The following RPS12 variants were observed in gnomAD, a reference collection of about 807,000 sequenced individuals.
RPS12 encodes the protein small ribosomal subunit protein eS12.
In RPS12, 1 loss-of-function variant was observed where a neutral mutation model predicts 17.2. That is an observed-to-expected ratio of 0.06 (90% CI 0.02 to 0.28). The LOEUF (loss-of-function observed/expected upper bound fraction) is 0.28, where lower values mean the gene tolerates loss of function less well. Among genes scored for constraint, RPS12 ranks in the 10% least tolerant of loss-of-function variants. RPS12 has a pLI of 1.00. For synonymous variants in RPS12, 67 were observed against 54.0 expected (o/e 1.24, Z -1.06); for missense variants, 146 against 162.1 (o/e 0.90, Z 0.54).
intron 5 of RPS12, 61 bp from the exon 6 acceptor site, chr6:132,817,418 AT>A: frequency 9.4e-7 from 1 of 1,067,628 alleles, no homozygotes; most frequent in South Asian, 1.3e-5. Flanking sequence ...ATTGATACTA[AT>A]AGCTTGGTGA....
intron 3 of RPS12, chr6:132,815,838 TC>T (rs1442640690): frequency 1.6e-4 from 71 of 431,812 alleles, no homozygotes; most frequent in African/African-American, 1.3e-3. Flanking sequence ...CTTTTTTTTT[TC>T]TTTTTTCTTT....
chr6:132,816,316 A>G (rs948129079), intron 3 of RPS12, 145 bp from the exon 4 acceptor site: 5 of 629,876 alleles, frequency 7.9e-6, no homozygotes, highest in African/African-American at 1.8e-5. Context: ...TTCAGACTCA[A>G]GCAATTTTGT....
chr6:132,815,693 G>A (rs769809709), intron 3 of RPS12: 3 of 456,624 alleles, frequency 6.6e-6, no homozygotes, highest in South Asian at 4.6e-5. Flanking sequence ...TCGTTTTGGT[G>A]TAATCTAGCC....
At chr6:132,814,808 T>C (rs757345582) in intron 2 of RPS12, 26 bp downstream of exon 2, 73 of 1,607,270 alleles carry the variant, frequency 4.5e-5, no homozygotes, top group Non-Finnish European at 5.9e-5. Context: ...GGGGTTGGAG[T>C]TGGGGTCGGG....
chr6:132,815,811 TC>T (rs1220156211), intron 3 of RPS12: 3 of 455,034 alleles, frequency 6.6e-6, no homozygotes, highest in Admixed American at 2.4e-5. Flanking sequence ...TCATAACTGT[TC>T]CATTAATGCC....
At chr6:132,816,611 T>C (rs777248141) in intron 4 of RPS12, 48 bp downstream of exon 4, 1 of 1,220,180 alleles carries the variant, frequency 8.2e-7, no homozygotes, top group African/African-American at 1.5e-5. Flanking sequence ...GTGATGCTTG[T>C]ATATGGGGGT....
At position 132,814,615 on chromosome 6, in the gene RPS12, T is replaced by G. The variant is rs1582885771; in HGVS notation, c.-38+2T>G. 2.1e-6 allele frequency: 2 copies of G among 930,772 alleles called. No homozygotes were observed. The highest frequency in any genetic ancestry group is 3.5e-6 in the Non-Finnish European group (2 of 575,408). 57.7% of individuals were successfully genotyped at this position (930,772 alleles called of 1,614,324 possible). ...GTCGCGCGGAGGCGGAGGCTTGGGG[T>G]AAGTTGAGCGAGGCGGCAGGGGGGT... On this transcript the variant is annotated splice_donor_variant, in intron 1 of 5. Transcript: ENST00000230050. LOFTEE classifies it low-confidence loss of function (5UTR_SPLICE).
At chr6:132,815,297 A>G (rs372727411) in intron 3 of RPS12, 14 of 734,442 alleles carry the variant, frequency 1.9e-5, no homozygotes, top group African/African-American at 1.7e-4. Context: ...TAAGCACTCA[A>G]AACTACAGTG....
intron 1 of RPS12, 52 bp from the exon 2 acceptor site, chr6:132,814,680 G>T (rs1046114576): frequency 2.2e-5 from 31 of 1,441,376 alleles, no homozygotes; most frequent in Non-Finnish European, 3.0e-5. Context: ...TTCTTGCTGG[G>T]ATTCGTGACG....
In RPS12 at chr6:132,815,678, C is replaced by T. The variant is rs781635818; in HGVS notation, c.131+590C>T. ...AATGCAGTTTTAAGGTTTTACAGGA[C>T]AAGTTCGTTTTGGTGTAATCTAGCC... On this transcript the variant is annotated intron_variant, in intron 3 of 5. Coordinates refer to ENST00000230050, the MANE Select transcript of RPS12 (RefSeq NM_001016.4). 2.0e-4 allele frequency: 91 copies of T among 456,516 alleles called. 2 individuals carry two copies. The highest frequency in any genetic ancestry group is 1.4e-3 in the South Asian group (91 of 64,572). The allele number at this position is 456,516 out of a possible 1,614,324, so 28.3% of individuals were successfully genotyped here.
At chr6:132,814,920 C>A in intron 2 of RPS12, 52 bp from the exon 3 acceptor site, 1 of 1,415,642 alleles carries the variant, frequency 7.1e-7, no homozygotes, top group Non-Finnish European at 1.0e-6. Flanking sequence ...GAGTGCAAGG[C>A]CTTATGTGGT....
At chr6:132,815,151 A>T (rs1782016927) in intron 3 of RPS12, 63 bp downstream of exon 3, 4 of 1,048,052 alleles carry the variant, frequency 3.8e-6, no homozygotes, top group Non-Finnish European at 6.0e-6. Flanking sequence ...CACCCAAGGG[A>T]AGAAGGCATG....
At chr6:132,815,380 C>G (rs563561533) in intron 3 of RPS12, 1 of 594,398 alleles carries the variant, frequency 1.7e-6, no homozygotes, top group South Asian at 1.4e-5. Context: ...TCTGACAAAC[C>G]TGTAGGTTGT....
rs1782068796 is a variant in RPS12 at position 132,816,666 on chromosome 6, CATT to C, written c.234+105_234+107del. 28 of 835,256 alleles carry C rather than the reference CATT, an allele frequency of 3.4e-5. No homozygotes were observed. The South Asian group carries it at 3.6e-4, about 11-fold the overall frequency. The allele number at this position is 835,256 out of a possible 1,614,324, so 51.7% of individuals were successfully genotyped here. On this transcript the variant is annotated intron_variant, in intron 4 of 5. Transcript: ENST00000230050. ...GCTGTTCATTTTGTGCAGGTGTAAA[CATT>C]ACGTGCACCTGATACTGTCGGCCAT... is the stretch of plus-strand genomic sequence containing the variant.
rs368529622 is a variant in RPS12 at position 132,816,619 on chromosome 6, G to A, written c.234+56G>A. ...ATGTTCAGTGATGCTTGTATATGGG[G>A]GTAAATTCTGTGAAGTCTCAAGCTG... On this transcript the variant is annotated intron_variant, in intron 4 of 5. Coordinates refer to ENST00000230050, the MANE Select transcript of RPS12 (RefSeq NM_001016.4). 4.4e-5 allele frequency: 52 copies of A among 1,173,854 alleles called. 1 individual carries two copies. The highest frequency in any genetic ancestry group is 3.8e-4 in the Middle Eastern group (2 of 5,276). The allele number at this position is 1,173,854 out of a possible 1,614,324, so 72.7% of individuals were successfully genotyped here. A position where few individuals can be genotyped will look rare whatever the true frequency, so the allele number is the denominator to read the frequency against.
At chr6:132,817,199 AAAT>A in intron 5 of RPS12, 138 bp downstream of exon 5, 1 of 781,134 alleles carries the variant, frequency 1.3e-6, no homozygotes, top group South Asian at 1.4e-5. Context: ...TTCAGGAAAA[AAAT>A]AAAAGCTGTA....
chr6:132,816,796 C>G, intron 4 of RPS12, 164 bp from the exon 5 acceptor site: 1 of 770,998 alleles, frequency 1.3e-6, no homozygotes, highest in African/African-American at 1.7e-5. Context: ...TGTAGGTGAT[C>G]TTAGTGCTGT....
chr6:132,816,538 C>T lies in RPS12; in HGVS notation c.209C>T (p.Ala70Val), dbSNP rs760958350. The change falls in exon 4 of 6, where the codon GCT becomes GTT. Residue 70 changes from alanine (A) to valine (V), a missense_variant. Transcript: ENST00000230050. ...GTCAAGTTGGTGGAGGCCCTTTGTG[C>T]TGAACACCAAATCAACCTAATTAAG... is the stretch of plus-strand genomic sequence containing the variant. The part of the protein sequence containing the change: ...MYVKLVEALC[A>V]EHQINLIKVD... 4.4e-6 allele frequency: 7 copies of T among 1,599,230 alleles called. No homozygotes were observed. Among genetic ancestry groups the T allele is most frequent in the Admixed American group, 3.3e-5 (2 of 59,974 alleles).
intron 4 of RPS12, 85 bp downstream of exon 4, chr6:132,816,648 A>T (rs1782068143): frequency 1.0e-6 from 1 of 953,046 alleles, no homozygotes; most frequent in African/African-American, 1.6e-5. Context: ...CAAGCTGTTC[A>T]TTTTGTGCAG....
Sources: allele counts gnomAD v4.1 joint callset, GRCh38; gene constraint gnomAD v4.1.1; transcripts MANE v1.5; gene names NCBI Gene and HGNC (gene_info 2026-07-23, HGNC 2026-07-21).